HDLBP: variants seen among roughly 807,000 people sequenced by gnomAD.
The protein encoded by HDLBP is high density lipoprotein binding protein.
HDLBP carries 30 observed loss-of-function variants against 137.3 expected under a neutral mutation model. That is an observed-to-expected ratio of 0.22 (90% CI 0.16 to 0.30). HDLBP has a LOEUF of 0.30. HDLBP is among the 10% of genes least tolerant of loss of function. The probability of loss-of-function intolerance (pLI) is 1.00; values close to 1 mark genes in which losing one functional copy is unlikely to be tolerated. For synonymous variants in HDLBP, 606 were observed against 596.0 expected, an observed-to-expected ratio of 1.02 and a Z score of -0.24; for missense variants, 1,119 against 1,667.3, an observed-to-expected ratio of 0.67 and a Z score of 5.73.
intron 1 of HDLBP, among the ~76,000 whole-genome samples, chr2:241,281,264 G>A (rs563084920): frequency 6.6e-6 from 1 of 152,282 alleles, no homozygotes; most frequent in Non-Finnish European, 1.5e-5. Flanking sequence ...TGAGGTGGGA[G>A]AATCGCTTGA....
At position 241,290,233 on chromosome 2, in the gene HDLBP, T is replaced by A. The variant is rs1575029729; in HGVS notation, c.-102-21692A>T. ...AAGAAACAAGAAGAAAATGTTGGGGTAAGGAAAGAAGGGACAGGGGACAGG... is the reference window on the plus strand; with the variant it reads ...AAGAAACAAGAAGAAAATGTTGGGGAAAGGAAAGAAGGGACAGGGGACAGG... On this transcript the variant is annotated intron_variant, in intron 1 of 27. Transcript: ENST00000310931. Among the ~76,000 whole-genome samples the A allele has an allele frequency of 1.3e-5, 2 of 151,910 alleles. 1 individual carries two copies. Among genetic ancestry groups the A allele is most frequent in the East Asian group, 3.9e-4 (2 of 5,190 alleles).
rs566108273 is a variant in HDLBP, at chr2:241,268,131, TA to T, written c.-38+345del. On this transcript the variant is annotated intron_variant, in intron 2 of 27. Coordinates refer to ENST00000310931, the MANE Select transcript of HDLBP (RefSeq NM_005336.6). ...AGGAGTGAATTTTGCATAATTTTTATAACATAATTAAGACCTCTCCCCAAGT... is the reference window on the plus strand; with the variant it reads ...AGGAGTGAATTTTGCATAATTTTTATACATAATTAAGACCTCTCCCCAAGT... 1.3e-3 allele frequency among the ~76,000 whole-genome samples: 196 copies of T among 152,326 alleles called. 1 individual carries two copies. Among genetic ancestry groups the T allele is most frequent in the African/African-American group, 4.6e-3 (191 of 41,564 alleles).
In HDLBP at chr2:241,272,348, C is replaced by G; in HGVS notation, c.-102-3807G>C. The G allele has an allele frequency of 1.0e-6, 1 of 984,248 alleles. No individual in the cohort carries two copies. Among genetic ancestry groups the G allele is most frequent in the Non-Finnish European group, 1.2e-6 (1 of 829,282 alleles). 61.0% of individuals were successfully genotyped at this position (984,248 alleles called of 1,614,324 possible). On this transcript the variant is annotated intron_variant, in intron 1 of 27. Transcript: ENST00000310931. This position sits in a 1 kb window ranked among gnomAD's most constrained non-coding sequence, Gnocchi z 5.6. ...CGGGGGAGGGGAGGGCCGGCCCCGC[C>G]AACGTCAGCGACCTGGGCTCAGGTC...
At chr2:241,247,007 TAC>T in intron 15 of HDLBP, 47 bp downstream of exon 15, 2 of 1,564,062 alleles carry the variant, frequency 1.3e-6, no homozygotes, top group Non-Finnish European at 1.8e-6. Context: ...GGTGCAGGGC[TAC>T]AGAGGACAAG....
intron 11 of HDLBP, chr2:241,250,224 C>G (rs557838989): frequency 8.0e-6 from 3 of 375,396 alleles, no homozygotes; most frequent in Non-Finnish European, 1.4e-5. Context: ...GCTGGAAATG[C>G]CCCGAGACCT....
At chr2:241,269,952 C>T (rs1286900462) in intron 1 of HDLBP, among the ~76,000 whole-genome samples, 1 of 152,152 alleles carries the variant, frequency 6.6e-6, no homozygotes, top group Non-Finnish European at 1.5e-5. Flanking sequence ...TCCCGGGCTC[C>T]AATGTCACTT....
intron 21 of HDLBP, among the ~76,000 whole-genome samples, chr2:241,235,895 G>A (rs1271645968): frequency 2.0e-5 from 3 of 152,134 alleles, no homozygotes; most frequent in Non-Finnish European, 4.4e-5. Flanking sequence ...ACATCCTCGG[G>A]GTCATGACGG....
chr2:241,261,259 CT>C (rs2073151125), intron 5 of HDLBP, among the ~76,000 whole-genome samples: 1 of 150,838 alleles, frequency 6.6e-6, no homozygotes, highest in African/African-American at 2.4e-5. Flanking sequence ...AGACAGGACT[CT>C]ATAATCAAAT....
intron 20 of HDLBP, 109 bp from the exon 21 acceptor site, chr2:241,236,878 G>A: frequency 8.5e-7 from 1 of 1,179,738 alleles, no homozygotes; most frequent in Non-Finnish European, 1.2e-6. Flanking sequence ...GGTGGTAAAA[G>A]GGAGGGAAAA....
At chr2:241,231,191 C>A (rs1002285574) in intron 24 of HDLBP, 2 of 426,122 alleles carry the variant, frequency 4.7e-6, no homozygotes, top group Non-Finnish European at 8.6e-6. Flanking sequence ...TCGTGACCAG[C>A]CTGACCAACA....
Position 241,239,536 on chromosome 2 carries a change from C to CA in HDLBP, c.2610+65dup. 2.2e-6 allele frequency: 3 copies of CA among 1,336,488 alleles called. No homozygotes were observed. The highest frequency in any genetic ancestry group is 3.2e-6 in the Non-Finnish European group (3 of 936,106). 82.8% of individuals were successfully genotyped at this position (1,336,488 alleles called of 1,614,324 possible). ...CTCCCTACAGGGTGGAGCGAACACTCATACACGGCTTCGGTGAGTGGCCAC... is the reference window on the plus strand; with the variant it reads ...CTCCCTACAGGGTGGAGCGAACACTCAATACACGGCTTCGGTGAGTGGCCAC... On this transcript the variant is annotated intron_variant, in intron 19 of 27. Transcript: ENST00000310931. The surrounding 1 kb of genome is among the most constrained non-coding windows in gnomAD (Gnocchi z 4.6).
intron 7 of HDLBP, 42 bp downstream of exon 7, chr2:241,256,142 C>T (rs777450756): frequency 6.5e-7 from 1 of 1,536,528 alleles, no homozygotes; most frequent in Non-Finnish European, 9.0e-7. Context: ...ATCCTCATTT[C>T]TATTCCTGCC....
intron 1 of HDLBP, among the ~76,000 whole-genome samples, chr2:241,286,475 CCTGTGA>C (rs2074813600): frequency 6.6e-6 from 1 of 152,208 alleles, no homozygotes; most frequent in African/African-American, 2.4e-5. Flanking sequence ...CTCTTACCTG[CCTGTGA>C]CTTGGAAGTC....
intron 13 of HDLBP, 56 bp from the exon 14 acceptor site, chr2:241,248,172 A>G: frequency 6.4e-7 from 1 of 1,551,042 alleles, no homozygotes; most frequent in Non-Finnish European, 8.9e-7. Flanking sequence ...ATATATCCCA[A>G]ATATCAAATA....
At chr2:241,257,020 C>G (rs1174156407) in intron 5 of HDLBP, among the ~76,000 whole-genome samples, 1 of 152,140 alleles carries the variant, frequency 6.6e-6, no homozygotes, top group East Asian at 1.9e-4. Context: ...ATCTGCACCA[C>G]TACTTAACAT....
At chr2:241,277,932 G>C (rs1436814326) in intron 1 of HDLBP, among the ~76,000 whole-genome samples, 3 of 152,090 alleles carry the variant, frequency 2.0e-5, no homozygotes, top group African/African-American at 7.2e-5. Context: ...TTGCACTCCA[G>C]TCTGGGAAAC....
At chr2:241,248,873 A>T (rs921741007) in intron 12 of HDLBP, among the ~76,000 whole-genome samples, 2 of 152,180 alleles carry the variant, frequency 1.3e-5, no homozygotes, top group African/African-American at 4.8e-5. Flanking sequence ...TTAAAATGTC[A>T]GAAGAAATAC....
intron 1 of HDLBP, among the ~76,000 whole-genome samples, chr2:241,275,328 G>C (rs1479212077): frequency 1.3e-5 from 2 of 152,128 alleles, no homozygotes; most frequent in Non-Finnish European, 2.9e-5. Flanking sequence ...AGAACTTCGG[G>C]AGACAGAACT....
chr2:241,308,738 CA>C (rs1575062359), intron 1 of HDLBP, among the ~76,000 whole-genome samples: 2 of 152,198 alleles, frequency 1.3e-5, no homozygotes, highest in East Asian at 3.9e-4. Flanking sequence ...GCCTTTGCCT[CA>C]GGGTCTACCT....
Sources: gnomAD v4.1 joint callset for allele counts (sites outside exome capture counted in the v4.1 genomes callset) on GRCh38, gnomAD v4.1.1 for gene constraint, Gnocchi (gnomAD v3.1) non-coding constraint, MANE v1.5 for transcripts, NCBI Gene and HGNC (gene_info 2026-07-23, HGNC 2026-07-21) for gene names.